MRPL38: variants seen among roughly 807,000 people sequenced by gnomAD.
MRPL38 encodes the protein mitochondrial ribosomal protein L38.
MRPL38 carries 51 observed loss-of-function variants against 52.1 expected under a neutral mutation model. The observed-to-expected ratio is 0.98, with a 90% CI of 0.78 to 1.24. The LOEUF is 1.24. Among genes scored for constraint, MRPL38 ranks in the 50% most tolerant of loss-of-function variants. The pLI is 0.00. For missense variants in MRPL38, 527 were observed against 518.6 expected, an observed-to-expected ratio of 1.02 and a Z score of -0.16; for synonymous variants, 245 against 212.7, an observed-to-expected ratio of 1.15 and a Z score of -1.32.
At position 75,899,531 on chromosome 17, in the gene MRPL38, G is replaced by A. The variant is rs752191184; in HGVS notation, c.854C>T (p.Ala285Val). The change falls in exon 7 of 9, where the codon GCA (alanine) becomes GTA (valine). Residue 285 changes from alanine (A) to valine (V), a missense_variant. Transcript: ENST00000309352. ...QDQPIDFSED[A>V]RPSPCYQLAQ... The stretch of plus-strand genomic sequence containing the variant: ...TGTAGATTACCAGGGTGAGGGGCGT[G>A]CGTCCTCAGAGAAGTCAATCGGCTG... 8 of 1,592,524 alleles carry A rather than the reference G, an allele frequency of 5.0e-6. No individual in the cohort carries two copies. In the East Asian group the frequency reaches 1.1e-4, roughly 22 times the overall value.
At position 75,899,092 on chromosome 17, in the gene MRPL38, C is replaced by G. The variant is rs2065391581; in HGVS notation, c.1006+66G>C. ...GCAGCCTTCCCCTAACAAAGCTTCT[C>G]CCTGGCAGGGCAGGCGAGGCCTGGG... On this transcript the variant is annotated intron_variant, in intron 8 of 8. Coordinates refer to ENST00000309352, the MANE Select transcript of MRPL38 (RefSeq NM_032478.4). 3 of 1,548,506 alleles carry G rather than the reference C, an allele frequency of 1.9e-6. No individual in the cohort carries two copies. The African/African-American group carries it at 4.1e-5, about 21-fold the overall frequency.
Position 75,898,828 on chromosome 17 carries a change from G to A in MRPL38, c.*22C>T, listed in dbSNP as rs200967714. ...TTGCTGCCGATCAATCCCATGCTCT[G>A]AAATGCGCACACTCTGGCTCCTTAG... On this transcript the variant is annotated 3_prime_UTR_variant, in exon 9 of 9. Coordinates refer to ENST00000309352, the MANE Select transcript of MRPL38 (RefSeq NM_032478.4). The A allele has an allele frequency of 1.7e-5, 28 of 1,611,264 alleles. No individual in the cohort carries two copies. The South Asian group carries it at 2.6e-4, about 15-fold the overall frequency.
Position 75,901,561 on chromosome 17 carries a change from A to T in MRPL38, c.591+151T>A. The stretch of plus-strand genomic sequence containing the variant: ...GCCTCTTTTTCCTTCATTTTGTTCT[A>T]TTTTCTTTGAAATTGTCATGGTGTC... On this transcript the variant is annotated intron_variant, in intron 4 of 8. Coordinates refer to ENST00000309352, the MANE Select transcript of MRPL38 (RefSeq NM_032478.4). The surrounding 1 kb of genome is among the most constrained non-coding windows in gnomAD (Gnocchi z 5.7). The T allele has an allele frequency of 1.4e-6, 1 of 720,498 alleles. No homozygotes were observed. The highest frequency in any genetic ancestry group is 1.7e-5 in the South Asian group (1 of 57,788). The allele number at this position is 720,498 out of a possible 1,614,324, so 44.6% of individuals were successfully genotyped here.
Position 75,901,408 on chromosome 17 carries a change from T to C in MRPL38, c.592-135A>G. 1.1e-6 allele frequency: 1 copy of C among 875,788 alleles called. No homozygotes were observed. Among genetic ancestry groups the C allele is most frequent in the South Asian group, 1.5e-5 (1 of 67,796 alleles). 54.3% of individuals were successfully genotyped at this position (875,788 alleles called of 1,614,324 possible). On this transcript the variant is annotated intron_variant, in intron 4 of 8. Coordinates refer to ENST00000309352, the MANE Select transcript of MRPL38 (RefSeq NM_032478.4). This position sits in a 1 kb window ranked among gnomAD's most constrained non-coding sequence, Gnocchi z 5.7. ...TGGCACAGGCAGGCAGGCAAAGGGA[T>C]GCGTAGAGAAGCAGCCCTGCAGAGT...
intron 2 of MRPL38, chr17:75,904,120 A>C: frequency 4.7e-6 from 2 of 423,148 alleles, no homozygotes; most frequent in Non-Finnish European, 9.7e-6. Context: ...TTCGGGTGCA[A>C]GGATCCAATG....
At position 75,901,742 on chromosome 17, in the gene MRPL38, C is replaced by T; in HGVS notation, c.561G>A (p.Val187=). ...YAVGEDDLMP[V]YCGNEVTPTE... The stretch of plus-strand genomic sequence containing the variant: ...TTGGAGTCACCTCATTGCCACAGTA[C>T]ACAGGCATCAGGTCATCCTCACCCA... Residue 187 remains valine, a synonymous_variant, in exon 4 of 9, where the codon GTG becomes GTA. Coordinates refer to ENST00000309352, the MANE Select transcript of MRPL38 (RefSeq NM_032478.4). The surrounding 1 kb of genome is among the most constrained non-coding windows in gnomAD (Gnocchi z 5.7). 4 of 1,613,834 alleles carry T rather than the reference C, an allele frequency of 2.5e-6. No individual in the cohort carries two copies. Among genetic ancestry groups the T allele is most frequent in the Non-Finnish European group, 3.4e-6 (4 of 1,179,898 alleles).
intron 1 of MRPL38, 37 bp downstream of exon 1, chr17:75,904,772 C>CG: frequency 2.0e-5 from 1 of 51,046 alleles, no homozygotes. Context: ...GGGCGACAGC[C>CG]CCCCCCCCCC....
rs755065471 is a variant in MRPL38 at position 75,898,918 on chromosome 17, G to C, written c.1075C>G (p.His359Asp). ...TCCAGGTAGCGCAGGGGCTGCCGGT[G>C]GGGGAAGCGCTTCTGCTTGGGGTGG... ...PYHPKQKRFP[H>D]RQPLRYLDRY... Residue 359 changes from histidine (H) to aspartate (D), a missense_variant, in exon 9 of 9, where the codon CAC becomes GAC. Coordinates refer to ENST00000309352, the MANE Select transcript of MRPL38 (RefSeq NM_032478.4). 6.2e-7 allele frequency: 1 copy of C among 1,610,792 alleles called. No individual in the cohort carries two copies. Among genetic ancestry groups the C allele is most frequent in the Non-Finnish European group, 8.5e-7 (1 of 1,179,192 alleles).
At chr17:75,903,145 A>T (rs1024582625) in intron 2 of MRPL38, among the ~76,000 whole-genome samples, 7 of 152,234 alleles carry the variant, frequency 4.6e-5, no homozygotes, top group African/African-American at 1.7e-4. Flanking sequence ...GCTATGGCTC[A>T]CGCCTGTAAT....
chr17:75,902,170 G>A lies in MRPL38; in HGVS notation c.248-16C>T. Reference sequence around the variant, plus strand: ...TCTTTGGGATCTGGAGTGGGAAGATGTGTGGGAAAAACAGGGTCATGACTC... The same window carrying A: ...TCTTTGGGATCTGGAGTGGGAAGATATGTGGGAAAAACAGGGTCATGACTC... On this transcript the variant is annotated splice_polypyrimidine_tract_variant and intron_variant, in intron 2 of 8. Coordinates refer to ENST00000309352, the MANE Select transcript of MRPL38 (RefSeq NM_032478.4). 1 of 1,551,518 alleles carries A rather than the reference G, an allele frequency of 6.4e-7. No individual in the cohort carries two copies.
chr17:75,903,900 G>C (rs531572106), intron 2 of MRPL38, among the ~76,000 whole-genome samples: 64 of 152,134 alleles, frequency 4.2e-4, no homozygotes, highest in African/African-American at 1.4e-3. Flanking sequence ...AGTTAATTTT[G>C]TATTTTTAGC....
intron 2 of MRPL38, among the ~76,000 whole-genome samples, chr17:75,903,700 G>T (rs1205255748): frequency 2.6e-5 from 4 of 151,302 alleles, no homozygotes; most frequent in Admixed American, 1.3e-4. Context: ...TCCATAAATT[G>T]TAAGTTCCTT....
chr17:75,902,687 T>C (rs2065410296), intron 2 of MRPL38, among the ~76,000 whole-genome samples: 1 of 152,186 alleles, frequency 6.6e-6, no homozygotes, highest in Non-Finnish European at 1.5e-5. Flanking sequence ...CAGACCTGAA[T>C]AGGATGTAAC....
chr17:75,901,240 C>T lies in MRPL38; in HGVS notation c.625G>A (p.Glu209Lys), dbSNP rs751671955. 1.9e-6 allele frequency: 3 copies of T among 1,613,618 alleles called. No individual in the cohort carries two copies. The highest frequency in any genetic ancestry group is 2.2e-5 in the South Asian group (2 of 91,010). ...AQAPEVTYEA[E>K]EGSLWTLLLT... Reference sequence around the variant, plus strand: ...AGCAACGTCCACAAGGAGCCCTCTTCTGCCTCATAGGTCACCTCTGGCGCT... The same window carrying T: ...AGCAACGTCCACAAGGAGCCCTCTTTTGCCTCATAGGTCACCTCTGGCGCT... Residue 209 changes from glutamate to lysine, a missense_variant, in exon 5 of 9, where the codon GAA becomes AAA. By Grantham distance (56) the Glu-to-Lys change is moderately conservative (BLOSUM62 1). Transcript: ENST00000309352. This position sits in a 1 kb window ranked among gnomAD's most constrained non-coding sequence, Gnocchi z 5.7.
chr17:75,902,223 T>C, intron 2 of MRPL38, 69 bp from the exon 3 acceptor site: 1 of 1,465,894 alleles, frequency 6.8e-7, no homozygotes, highest in Non-Finnish European at 9.3e-7. Flanking sequence ...CCCAACTCAG[T>C]CTCCTGAGTA....
Position 75,901,969 on chromosome 17 carries a change from A to C in MRPL38, c.383-49T>G, listed in dbSNP as rs1567853273. The C allele has an allele frequency of 3.7e-6, 6 of 1,609,188 alleles. No individual in the cohort carries two copies. The highest frequency in any genetic ancestry group is 5.1e-6 in the Non-Finnish European group (6 of 1,176,986). On this transcript the variant is annotated intron_variant, in intron 3 of 8. Coordinates refer to ENST00000309352, the MANE Select transcript of MRPL38 (RefSeq NM_032478.4). The surrounding 1 kb of genome is among the most constrained non-coding windows in gnomAD (Gnocchi z 5.7). Reference sequence around the variant, plus strand: ...GGATACGGGGGTGGGGGGGGCAGGGACACACCCTGTACCCCAACTCTGGGA... The same window carrying C: ...GGATACGGGGGTGGGGGGGGCAGGGCCACACCCTGTACCCCAACTCTGGGA...
chr17:75,904,282 T>C (rs1426039546), intron 2 of MRPL38: 1 of 651,340 alleles, frequency 1.5e-6, no homozygotes, highest in South Asian at 1.5e-5. Context: ...GTGGTCAAGA[T>C]TTTAGGAGCA....
Position 75,898,919 on chromosome 17 carries a change from G to T in MRPL38, c.1074C>A (p.Pro358=). 1 of 1,610,892 alleles carries T rather than the reference G, an allele frequency of 6.2e-7. No individual in the cohort carries two copies. ...PPYHPKQKRF[P]HRQPLRYLDR... is the part of the protein sequence containing the mutation. Reference sequence around the variant, plus strand: ...CCAGGTAGCGCAGGGGCTGCCGGTGGGGGAAGCGCTTCTGCTTGGGGTGGT... The same window carrying T: ...CCAGGTAGCGCAGGGGCTGCCGGTGTGGGAAGCGCTTCTGCTTGGGGTGGT... The change falls in exon 9 of 9, where the codon CCC becomes CCA. Residue 358 remains proline, a synonymous_variant. Coordinates refer to ENST00000309352, the MANE Select transcript of MRPL38 (RefSeq NM_032478.4).
rs1245115948 is a variant in MRPL38, at chr17:75,899,508, T to G, written c.869+8A>C. On this transcript the variant is annotated splice_region_variant and intron_variant, in intron 7 of 8. Transcript: ENST00000309352. ...GAGGCCGGGTTATGTGTGGGTGGTG[T>G]AGATTACCAGGGTGAGGGGCGTGCG... 6.4e-7 allele frequency: 1 copy of G among 1,571,962 alleles called. No homozygotes were observed. Among genetic ancestry groups the G allele is most frequent in the East Asian group, 2.3e-5 (1 of 44,200 alleles).
Sources: allele counts gnomAD v4.1 joint callset (sites outside exome capture counted in the v4.1 genomes callset), GRCh38; gene constraint gnomAD v4.1.1; non-coding constraint Gnocchi (gnomAD v3.1); transcripts MANE v1.5; gene names NCBI Gene and HGNC (gene_info 2026-07-23, HGNC 2026-07-21).